NLRP12: variants seen among roughly 807,000 people sequenced by gnomAD.
The protein encoded by NLRP12 is NACHT, LRR and PYD domains-containing protein 12.
A neutral mutation model predicts 91.2 loss-of-function variants in NLRP12; 108 were observed. The observed-to-expected ratio is 1.18, with a 90% confidence interval of 1.01 to 1.39. The LOEUF (loss-of-function observed/expected upper bound fraction) is 1.39. Among genes scored for constraint, NLRP12 ranks in the 40% most tolerant of loss-of-function variants. The probability of loss-of-function intolerance (pLI) is 0.00; values close to 1 mark genes in which losing one functional copy is unlikely to be tolerated. For missense variants in NLRP12, 1,530 were observed against 1,352.7 expected (o/e 1.13, Z -2.06); for synonymous variants, 613 against 566.7 (o/e 1.08, Z -1.16).
At position 53,809,942 on chromosome 19, in the gene NLRP12, T is replaced by C. The variant is rs770293824; in HGVS notation, c.1717A>G (p.Ser573Gly). The change falls in exon 3 of 10, where the codon AGC becomes GGC. Residue 573 changes from serine to glycine, a missense_variant. Coordinates refer to ENST00000324134, the MANE Select transcript of NLRP12 (RefSeq NM_144687.4). ...CAGCAGAGACTCTTCTCCAGGTGGCTCCTGGTCTCCTCGTTCAGGAGTCCA... is the reference window on the plus strand; with the variant it reads ...CAGCAGAGACTCTTCTCCAGGTGGCCCCTGGTCTCCTCGTTCAGGAGTCCA... ...LFGLLNEETR[S>G]HLEKSLCWKV... 6 of 1,614,120 alleles carry C rather than the reference T, an allele frequency of 3.7e-6. No homozygotes were observed. Among genetic ancestry groups the C allele is most frequent in the South Asian group, 1.1e-5 (1 of 91,082 alleles).
chr19:53,796,129 A>G (rs563646677), intron 8 of NLRP12, 100 bp from the exon 9 acceptor site: 1 of 1,177,072 alleles, frequency 8.5e-7, no homozygotes, highest in East Asian at 2.4e-5. Context: ...TACAGTGGTG[A>G]GATTTCTGTT....
chr19:53,810,292 G>T lies in NLRP12; in HGVS notation c.1367C>A (p.Pro456His). The T allele has an allele frequency of 3.1e-6, 5 of 1,613,974 alleles. No individual in the cohort carries two copies. Among genetic ancestry groups the T allele is most frequent in the Non-Finnish European group, 4.2e-6 (5 of 1,180,020 alleles). The change falls in exon 3 of 10, where the codon CCC becomes CAC. Residue 456 changes from proline (P) to histidine (H), a missense_variant. Physicochemically the swap from Pro to His is moderately conservative, Grantham distance 77. Coordinates refer to ENST00000324134, the MANE Select transcript of NLRP12 (RefSeq NM_144687.4). ...CAAGGAGCACAACCCTCTCTGGTTG[G>T]GTGGGGGCTGGAGGCGCGGGGCCCC... Reference protein sequence around the residue: ...KPGAPRLQPPPNQRGLCSLAA... With the variant: ...KPGAPRLQPPHNQRGLCSLAA...
At chr19:53,819,156 C>T (rs1378509348) in intron 1 of NLRP12, among the ~76,000 whole-genome samples, 1 of 152,040 alleles carries the variant, frequency 6.6e-6, no homozygotes, top group Non-Finnish European at 1.5e-5. Context: ...TATATTTGTA[C>T]ATTATTTCCA....
chr19:53,813,294 C>CT (rs1555797309), intron 2 of NLRP12, among the ~76,000 whole-genome samples: 11 of 106,698 alleles, frequency 1.0e-4, no homozygotes, highest in South Asian at 3.3e-4. Flanking sequence ...TTTTTTTTTT[C>CT]TTTTCTTTTT....
chr19:53,816,270 T>C (rs1331040331), intron 1 of NLRP12, among the ~76,000 whole-genome samples: 26 of 151,982 alleles, frequency 1.7e-4, no homozygotes, highest in Admixed American at 1.6e-3. Context: ...TCTGATAAGT[T>C]TTCACCTCCC....
rs752348795 is a variant in NLRP12, at chr19:53,810,903, G to A, written c.756C>T (p.Cys252=). 6.2e-7 allele frequency: 1 copy of A among 1,614,114 alleles called. No homozygotes were observed. Among genetic ancestry groups the A allele is most frequent in the Non-Finnish European group, 8.5e-7 (1 of 1,180,036 alleles). The stretch of plus-strand genomic sequence containing the variant: ...CCGTGGCACTCTGGTTCATCTCCCT[G>A]CAGTTGATGTAGAAGAGATAATCAA... ...GRFDYLFYIN[C]REMNQSATEC... Residue 252 remains cysteine (C), a synonymous_variant, in exon 3 of 10, where the codon TGC becomes TGT. Coordinates refer to ENST00000324134, the MANE Select transcript of NLRP12 (RefSeq NM_144687.4).
At chr19:53,819,455 A>G (rs371923155) in intron 1 of NLRP12, among the ~76,000 whole-genome samples, 829 of 5,206 alleles carry the variant, frequency 0.16, 148 homozygotes, top group Non-Finnish European at 0.18. Flanking sequence ...ATATATATAT[A>G]TATGTGTGTG....
chr19:53,823,358 AATAT>A (rs1350065378), intron 1 of NLRP12, among the ~76,000 whole-genome samples: 24 of 135,720 alleles, frequency 1.8e-4, no homozygotes, highest in African/African-American at 6.0e-4. Flanking sequence ...TACCATATTT[AATAT>A]ATATTTAATA....
At chr19:53,808,292 G>A (rs763949880) in intron 3 of NLRP12, 5 of 171,700 alleles carry the variant, frequency 2.9e-5, no homozygotes, top group Non-Finnish European at 3.8e-5. Context: ...TCTATCTGAC[G>A]CTCCTAATCA....
chr19:53,800,836 G>C (rs567080087), intron 7 of NLRP12, among the ~76,000 whole-genome samples: 46 of 151,952 alleles, frequency 3.0e-4, no homozygotes, highest in African/African-American at 1.1e-3. Context: ...CTCCCACCTC[G>C]GCCTCCCAAA....
At position 53,823,778 on chromosome 19, in the gene NLRP12, C is replaced by G. The variant is rs2092304094; in HGVS notation, c.289+108G>C. 9.4e-6 allele frequency: 12 copies of G among 1,270,746 alleles called. 1 individual carries two copies. The South Asian group carries it at 1.4e-4, about 15-fold the overall frequency. The allele number at this position is 1,270,746 out of a possible 1,614,324, so 78.7% of individuals were successfully genotyped here. On this transcript the variant is annotated intron_variant, in intron 1 of 9. Transcript: ENST00000324134. ...TTGTCCAGACTGGTCTTGAACTCCT[C>G]ACCTCAAGTGATCTGCCCTCTTCAG...
intron 9 of NLRP12, 136 bp downstream of exon 9, chr19:53,795,723 A>C: frequency 1.3e-6 from 1 of 795,764 alleles, no homozygotes; most frequent in Non-Finnish European, 2.1e-6. Context: ...TGACATAGCT[A>C]ATATGTGGCC....
At chr19:53,815,292 G>GCC (rs1380335521) in intron 1 of NLRP12, among the ~76,000 whole-genome samples, 9 of 140,134 alleles carry the variant, frequency 6.4e-5, no homozygotes, top group Non-Finnish European at 1.2e-4. Flanking sequence ...GCAGTGGCAT[G>GCC]ATCTCGGCTC....
chr19:53,809,161 G>C (rs1006769148), intron 3 of NLRP12, among the ~76,000 whole-genome samples: 6 of 150,846 alleles, frequency 4.0e-5, no homozygotes, highest in Non-Finnish European at 7.4e-5. Context: ...GGGAGGCAGA[G>C]GCTGCAGTGA....
chr19:53,819,409 TAATATA>T (rs1234058398), intron 1 of NLRP12, among the ~76,000 whole-genome samples: 2 of 67,402 alleles, frequency 3.0e-5, no homozygotes, highest in Non-Finnish European at 5.5e-5. Flanking sequence ...TACGCCTGGC[TAATATA>T]TATATATATA....
intron 1 of NLRP12, among the ~76,000 whole-genome samples, chr19:53,815,265 G>A (rs368802448): frequency 8.4e-6 from 1 of 118,348 alleles, no homozygotes; most frequent in Non-Finnish European, 1.6e-5. Context: ...GTCTTGCTCT[G>A]TTGCCCAGGC....
chr19:53,816,646 C>T (rs1479669038), intron 1 of NLRP12, among the ~76,000 whole-genome samples: 3 of 152,038 alleles, frequency 2.0e-5, no homozygotes, highest in East Asian at 1.9e-4. Context: ...CTCAGTCTCC[C>T]GAGTAGCTGG....
intron 1 of NLRP12, among the ~76,000 whole-genome samples, chr19:53,821,106 G>A (rs1297645920): frequency 2.3e-5 from 3 of 131,728 alleles, no homozygotes; most frequent in Non-Finnish European, 3.0e-5. Context: ...CTTAATCTTC[G>A]CTCACTGCAA....
intron 1 of NLRP12, among the ~76,000 whole-genome samples, chr19:53,821,782 ATACTT>A (rs1278350951): frequency 6.6e-6 from 1 of 152,150 alleles, no homozygotes. Flanking sequence ...AGAGGAGTAA[ATACTT>A]TACTTTAGAG....
Sources: allele counts gnomAD v4.1 joint callset (sites outside exome capture counted in the v4.1 genomes callset), GRCh38; gene constraint gnomAD v4.1.1; transcripts MANE v1.5; gene names NCBI Gene and HGNC (gene_info 2026-07-23, HGNC 2026-07-21).